The following CSMD1 variants were observed in gnomAD, a reference collection of about 807,000 sequenced individuals.
CSMD1 encodes CUB and Sushi multiple domains 1.
In CSMD1, 213 loss-of-function variants were observed where a neutral mutation model predicts 417.5. That is an observed-to-expected ratio of 0.51 (90% CI 0.46 to 0.57). The LOEUF (loss-of-function observed/expected upper bound fraction) is 0.57. Among genes scored for constraint, CSMD1 ranks in the 20% least tolerant of loss-of-function variants. CSMD1 has a pLI of 0.00. For missense variants in CSMD1, 6,923 were observed against 4,529.7 expected (o/e 1.53, Z -15.17); for synonymous variants, 2,862 against 1,736.8 (o/e 1.65, Z -16.11).
chr8:4,881,743 C>G (rs545399709), intron 1 of CSMD1, among the ~76,000 whole-genome samples: 44 of 152,102 alleles, frequency 2.9e-4, no homozygotes, highest in African/African-American at 9.9e-4. Flanking sequence ...TGGTCTTTTT[C>G]TTTAGAGACC....
Position 3,887,022 on chromosome 8 carries a change from T to C in CSMD1, c.818+110881A>G, listed in dbSNP as rs150328009. On this transcript the variant is annotated intron_variant, in intron 5 of 69. Transcript: ENST00000635120. Reference sequence around the variant, plus strand: ...TCACCTGGTACCACATGGACTTCAGTGACCTTTCAAACTCTGCCTCACACA... The same window carrying C: ...TCACCTGGTACCACATGGACTTCAGCGACCTTTCAAACTCTGCCTCACACA... 6.6e-4 allele frequency among the ~76,000 whole-genome samples: 101 copies of C among 152,280 alleles called. No individual in the cohort carries two copies. The Middle Eastern group carries it at 0.01, about 15-fold the overall frequency.
chr8:3,433,702 C>A lies in CSMD1; in HGVS notation c.1562-24097G>T, dbSNP rs187976537. On this transcript the variant is annotated intron_variant, in intron 12 of 69. Transcript: ENST00000635120. Reference sequence around the variant, plus strand: ...TTAGTGGAAAGTGACAGAATGCCTGCAACCCCATATTCTTATTTTCTAATC... The same window carrying A: ...TTAGTGGAAAGTGACAGAATGCCTGAAACCCCATATTCTTATTTTCTAATC... Among the ~76,000 whole-genome samples, 26 of 152,292 alleles carry A rather than the reference C, an allele frequency of 1.7e-4. No individual in the cohort carries two copies. The Middle Eastern group carries it at 0.02, about 120-fold the overall frequency.
intron 5 of CSMD1, among the ~76,000 whole-genome samples, chr8:3,955,013 C>T (rs1446316647): frequency 6.6e-6 from 1 of 152,140 alleles, no homozygotes; most frequent in Admixed American, 6.5e-5. Context: ...CAGGAAATGG[C>T]CTCTCCTTTG....
intron 20 of CSMD1, among the ~76,000 whole-genome samples, chr8:3,359,872 C>T (rs1176430766): frequency 3.3e-5 from 5 of 152,054 alleles, no homozygotes; most frequent in African/African-American, 1.2e-4. Context: ...TAAATGTGTA[C>T]AATTATTATG....
At chr8:3,949,151 A>C (rs1295340710) in intron 5 of CSMD1, among the ~76,000 whole-genome samples, 1 of 152,210 alleles carries the variant, frequency 6.6e-6, no homozygotes, top group Non-Finnish European at 1.5e-5. Context: ...GGAATGGCTA[A>C]ATTGAGCTAA....
chr8:4,312,062 A>G (rs1054040341), intron 3 of CSMD1, among the ~76,000 whole-genome samples: 1 of 152,154 alleles, frequency 6.6e-6, no homozygotes, highest in Admixed American at 6.6e-5. Flanking sequence ...TAGCTAGTAA[A>G]GAAATACGTA....
chr8:4,929,232 C>T (rs1039722019), intron 1 of CSMD1, among the ~76,000 whole-genome samples: 4 of 152,066 alleles, frequency 2.6e-5, no homozygotes, highest in Non-Finnish European at 5.9e-5. Context: ...TGTCTGAAAG[C>T]CAGCGAGAGA....
At chr8:3,695,142 A>G (rs1800478880) in intron 7 of CSMD1, among the ~76,000 whole-genome samples, 1 of 147,642 alleles carries the variant, frequency 6.8e-6, no homozygotes, top group Admixed American at 6.8e-5. Context: ...TAGTACAAGG[A>G]TATTGCAGGA....
In CSMD1 at chr8:4,809,704, G is replaced by A. The variant is rs75018111; in HGVS notation, c.86-172146C>T. ...AAAACTGAGTTTGATATCTAGCCTA[G>A]CATATCCAAAACATCTGTCATTTCA... On this transcript the variant is annotated intron_variant, in intron 1 of 69. Transcript: ENST00000635120. 1.9e-3 allele frequency among the ~76,000 whole-genome samples: 286 copies of A among 152,280 alleles called. 3 individuals carry two copies. Among genetic ancestry groups the A allele is most frequent in the African/African-American group, 6.2e-3 (257 of 41,564 alleles).
chr8:4,969,539 G>C (rs1041922493), intron 1 of CSMD1, among the ~76,000 whole-genome samples: 3 of 151,472 alleles, frequency 2.0e-5, no homozygotes, highest in African/African-American at 7.3e-5. Context: ...CCAGTGTCTA[G>C]GAAATAATAT....
chr8:3,141,229 A>G lies in CSMD1; in HGVS notation c.6241+1236T>C, dbSNP rs75058717. Among the ~76,000 whole-genome samples the G allele has an allele frequency of 9.7e-3, 1,478 of 152,310 alleles. 31 individuals are homozygous for G. The highest frequency in any genetic ancestry group is 0.033 in the African/African-American group (1,376 of 41,562). On this transcript the variant is annotated intron_variant, in intron 41 of 69. Transcript: ENST00000635120. The stretch of plus-strand genomic sequence containing the variant: ...GAAGCTTAGGTAACACCCGTACCTC[A>G]TCATCCCCTGTGCGTCTGTGAAACC...
intron 7 of CSMD1, among the ~76,000 whole-genome samples, chr8:3,644,966 G>GAAAAATAAAAAAAAA (rs1797501761): frequency 3.1e-5 from 2 of 64,538 alleles, no homozygotes; most frequent in Admixed American, 1.8e-4. Flanking sequence ...GGCTTTAAAT[G>GAAAAATAAAAAAAAA]AAAAAAAAAA....
chr8:4,687,045 G>A (rs1279096948), intron 1 of CSMD1, among the ~76,000 whole-genome samples: 2 of 152,210 alleles, frequency 1.3e-5, no homozygotes, highest in Non-Finnish European at 2.9e-5. Flanking sequence ...ACCCATGGCA[G>A]ATGTCTTCTG....
chr8:4,326,079 A>G (rs1373088505), intron 3 of CSMD1, among the ~76,000 whole-genome samples: 13 of 152,180 alleles, frequency 8.5e-5, no homozygotes, highest in Admixed American at 8.5e-4. Flanking sequence ...ATTCATCAGC[A>G]TTACCAGAAC....
At chr8:3,307,631 C>T in intron 25 of CSMD1, 64 bp downstream of exon 25, 2 of 1,515,290 alleles carry the variant, frequency 1.3e-6, no homozygotes, top group Non-Finnish European at 1.8e-6. Context: ...ACCACTATCT[C>T]TGCTACAAGA....
At chr8:4,483,102 G>A (rs1801187379) in intron 2 of CSMD1, among the ~76,000 whole-genome samples, 1 of 152,146 alleles carries the variant, frequency 6.6e-6, no homozygotes, top group Non-Finnish European at 1.5e-5. Context: ...GACAGGGGCA[G>A]TCTCCCCCAT....
At chr8:4,011,510 T>G (rs764611512) in intron 4 of CSMD1, among the ~76,000 whole-genome samples, 3 of 152,138 alleles carry the variant, frequency 2.0e-5, no homozygotes, top group Non-Finnish European at 4.4e-5. Context: ...GAGTCAGAGT[T>G]TCACCCTCCT....
rs376769856 is a variant in CSMD1, at chr8:3,900,316, C to G, written c.818+97587G>C. On this transcript the variant is annotated intron_variant, in intron 5 of 69. Transcript: ENST00000635120. Reference sequence around the variant, plus strand: ...GTGACACTGTAGCTGGGTGACAGTGCAGCTGGATGACACTACAGCTGGGTG... The same window carrying G: ...GTGACACTGTAGCTGGGTGACAGTGGAGCTGGATGACACTACAGCTGGGTG... 4.7e-5 allele frequency among the ~76,000 whole-genome samples: 7 copies of G among 149,922 alleles called. No homozygotes were observed. In the South Asian group the frequency reaches 1.5e-3, roughly 32 times the overall value.
At chr8:3,608,593 C>G (rs912981188) in intron 8 of CSMD1, among the ~76,000 whole-genome samples, 1 of 151,902 alleles carries the variant, frequency 6.6e-6, no homozygotes, top group African/African-American at 2.4e-5. Context: ...GAAACCCCGT[C>G]TCTATTAAAA....
Sources: gnomAD v4.1 joint callset for allele counts (sites outside exome capture counted in the v4.1 genomes callset) on GRCh38, gnomAD v4.1.1 for gene constraint, MANE v1.5 for transcripts, NCBI Gene and HGNC (gene_info 2026-07-23, HGNC 2026-07-21) for gene names.